The following ROBO2 variants were observed in gnomAD, a reference collection of about 807,000 sequenced individuals.
ROBO2 encodes roundabout homolog 2.
In ROBO2, 53 loss-of-function variants were observed where a neutral mutation model predicts 160.8. The observed-to-expected ratio is 0.33, with a 90% confidence interval of 0.26 to 0.41. The LOEUF is 0.41. Among genes scored for constraint, ROBO2 ranks in the 10% least tolerant of loss-of-function variants. The pLI is 1.00. For synonymous variants in ROBO2, 664 were observed against 611.7 expected (o/e 1.09, Z -1.26); for missense variants, 1,577 against 1,722.4 (o/e 0.92, Z 1.49).
At chr3:76,942,162 G>T (rs997291490) in intron 2 of ROBO2, among the ~76,000 whole-genome samples, 30 of 152,240 alleles carry the variant, frequency 2.0e-4, no homozygotes, top group African/African-American at 7.0e-4. Context: ...AGAAATGGGA[G>T]ATTTAAACTG....
chr3:76,769,729 C>T (rs1241576963), intron 2 of ROBO2, among the ~76,000 whole-genome samples: 1 of 151,420 alleles, frequency 6.6e-6, no homozygotes, highest in African/African-American at 2.4e-5. Context: ...CCAGGCTCTG[C>T]TAAAATTCAC....
chr3:76,051,619 G>A (rs527668161), intron 2 of ROBO2, among the ~76,000 whole-genome samples: 1 of 152,132 alleles, frequency 6.6e-6, no homozygotes, highest in East Asian at 1.9e-4. Flanking sequence ...ATTGTGTGGG[G>A]CTTTACAAAT....
intron 1 of ROBO2, among the ~76,000 whole-genome samples, chr3:77,058,514 A>G (rs1026441183): frequency 6.6e-6 from 1 of 152,086 alleles, no homozygotes; most frequent in African/African-American, 2.4e-5. Context: ...TCACTAACAT[A>G]TAGTTGCTTT....
intron 2 of ROBO2, among the ~76,000 whole-genome samples, chr3:76,313,520 G>A (rs890643424): frequency 6.6e-6 from 1 of 152,166 alleles, no homozygotes; most frequent in African/African-American, 2.4e-5. Flanking sequence ...CATGAGGTGG[G>A]ATGGGGGAGA....
At chr3:76,608,196 G>A (rs2087805660) in intron 2 of ROBO2, among the ~76,000 whole-genome samples, 1 of 152,232 alleles carries the variant, frequency 6.6e-6, no homozygotes, top group South Asian at 2.1e-4. Flanking sequence ...CAGATGTTAT[G>A]TGCCCAGCAT....
intron 2 of ROBO2, among the ~76,000 whole-genome samples, chr3:76,366,775 T>C (rs960362629): frequency 1.3e-5 from 2 of 151,986 alleles, no homozygotes; most frequent in African/African-American, 4.8e-5. Context: ...CAAAAATATC[T>C]CTTCAAATGT....
At chr3:76,056,638 A>G (rs2107846269) in intron 2 of ROBO2, among the ~76,000 whole-genome samples, 1 of 152,350 alleles carries the variant, frequency 6.6e-6, no homozygotes, top group Non-Finnish European at 1.5e-5. Context: ...TGCCTTCAGA[A>G]TACTTAGCAT....
intron 22 of ROBO2, among the ~76,000 whole-genome samples, chr3:77,620,948 C>T (rs976486303): frequency 6.6e-6 from 1 of 152,078 alleles, no homozygotes; most frequent in Admixed American, 6.6e-5. Context: ...ACATGTAGTA[C>T]ACTCACTTTT....
At chr3:77,314,878 C>T (rs1471191436) in intron 2 of ROBO2, among the ~76,000 whole-genome samples, 4 of 152,104 alleles carry the variant, frequency 2.6e-5, no homozygotes. Context: ...GAAAAATAAA[C>T]TTATTTTTGG....
chr3:77,543,648 G>T (rs976016673), intron 6 of ROBO2, among the ~76,000 whole-genome samples: 2 of 152,146 alleles, frequency 1.3e-5, no homozygotes, highest in Admixed American at 6.5e-5. Context: ...GATAGATGAA[G>T]AATAATATGC....
At chr3:77,536,250 T>A (rs1044107377) in intron 6 of ROBO2, among the ~76,000 whole-genome samples, 1 of 152,160 alleles carries the variant, frequency 6.6e-6, no homozygotes, top group Non-Finnish European at 1.5e-5. Flanking sequence ...GGGGGGAATG[T>A]GCCTTAAAGC....
At position 77,644,780 on chromosome 3, in the gene ROBO2, T is replaced by A. The variant is rs752986915; in HGVS notation, c.4011T>A (p.Ser1337=). ...ACAGCTCATCAGGAACAGCTTCTTC[T>A]AAGGGATCCACTGGACCTAGGAAAA... is the stretch of plus-strand genomic sequence containing the variant. Residue 1337 remains serine, a synonymous_variant, in exon 25 of 26, where the codon TCT becomes TCA. Coordinates refer to ENST00000461745, the Ensembl canonical transcript of ROBO2. 3.1e-6 allele frequency: 5 copies of A among 1,614,046 alleles called. No individual in the cohort carries two copies. The Admixed American group carries it at 5.0e-5, about 16-fold the overall frequency.
intron 2 of ROBO2, among the ~76,000 whole-genome samples, chr3:75,993,925 T>G (rs189113675): frequency 1.7e-3 from 259 of 152,344 alleles, no homozygotes; most frequent in African/African-American, 6.0e-3. Flanking sequence ...GGAGCGTGTA[T>G]GCTGTTTTGT....
intron 6 of ROBO2, among the ~76,000 whole-genome samples, chr3:77,537,846 G>C (rs541705809): frequency 6.6e-6 from 1 of 152,028 alleles, no homozygotes; most frequent in Non-Finnish European, 1.5e-5. Context: ...GATCTTGTGA[G>C]ACTTATTCAG....
chr3:76,650,067 C>G (rs1169935095), intron 2 of ROBO2, among the ~76,000 whole-genome samples: 1 of 152,108 alleles, frequency 6.6e-6, no homozygotes, highest in African/African-American at 2.4e-5. Context: ...AACCTTCTCA[C>G]CCATTCATCC....
intron 2 of ROBO2, among the ~76,000 whole-genome samples, chr3:76,724,143 C>A (rs1180530061): frequency 6.6e-6 from 1 of 152,120 alleles, no homozygotes; most frequent in Non-Finnish European, 1.5e-5. Context: ...ATTATACTTT[C>A]AGCTTTTGTC....
chr3:76,743,067 A>G (rs1047599063), intron 2 of ROBO2, among the ~76,000 whole-genome samples: 6 of 152,152 alleles, frequency 3.9e-5, no homozygotes, highest in Non-Finnish European at 8.8e-5. Flanking sequence ...GGCGGCCTAC[A>G]GCAATTGAGG....
rs78878634 is a variant in ROBO2, at chr3:77,358,800, TAA to T, written c.389-118613_389-118612del. ...AGAAACCAGTGGAAGAAAACTGTATTAAGTTTCCTCCAATTCCTTATTTAGAA... is the reference window on the plus strand; with the variant it reads ...AGAAACCAGTGGAAGAAAACTGTATTGTTTCCTCCAATTCCTTATTTAGAA... On this transcript the variant is annotated intron_variant, in intron 2 of 25. Coordinates refer to ENST00000461745, the Ensembl canonical transcript of ROBO2. 4.9e-4 allele frequency among the ~76,000 whole-genome samples: 75 copies of T among 152,308 alleles called. 2 individuals are homozygous for T. The East Asian group carries it at 0.011, about 23-fold the overall frequency.
At chr3:76,226,579 A>T (rs2107447035) in intron 2 of ROBO2, among the ~76,000 whole-genome samples, 1 of 152,316 alleles carries the variant, frequency 6.6e-6, no homozygotes, top group East Asian at 1.9e-4. Flanking sequence ...TAACAAATCA[A>T]TTATAATGTA....
Sources: gnomAD v4.1 joint callset for allele counts (sites outside exome capture counted in the v4.1 genomes callset) on GRCh38, gnomAD v4.1.1 for gene constraint, MANE v1.5 for transcripts, NCBI Gene and HGNC (gene_info 2026-07-23, HGNC 2026-07-21) for gene names.